The following ZDHHC21 variants were observed in gnomAD, a reference collection of about 807,000 sequenced individuals.
ZDHHC21 encodes the protein palmitoyltransferase ZDHHC21.
ZDHHC21 carries 15 observed loss-of-function variants against 34.6 expected under a neutral mutation model. That is an observed-to-expected ratio of 0.43 (90% CI 0.29 to 0.67). The LOEUF is 0.67. Ranked by LOEUF, ZDHHC21 falls within the 30% of genes least tolerant of loss-of-function variation. ZDHHC21 has a pLI of 0.14. For synonymous variants in ZDHHC21, 142 were observed against 101.8 expected (o/e 1.40, Z -2.38); for missense variants, 344 against 327.7 (o/e 1.05, Z -0.38).
At chr9:14,649,769 G>A (rs183802241) in intron 7 of ZDHHC21, among the ~76,000 whole-genome samples, 14 of 152,082 alleles carry the variant, frequency 9.2e-5, no homozygotes, top group Admixed American at 2.6e-4. Flanking sequence ...CATGGCTGAG[G>A]GTGAAGTATT....
Position 14,611,805 on chromosome 9 carries a change from G to A in ZDHHC21, c.*7161C>T, listed in dbSNP as rs1447757518. ...AGCCTAGCTTTGTCCTCCCGTGTTA[G>A]ACTCACAATTCACTTGTCGGAATAT... On this transcript the variant is annotated 3_prime_UTR_variant, in exon 10 of 10. Coordinates refer to ENST00000380916, the MANE Select transcript of ZDHHC21 (RefSeq NM_178566.6). 1 of 152,034 alleles carries A rather than the reference G, an allele frequency of 6.6e-6. No homozygotes were observed. Among genetic ancestry groups the A allele is most frequent in the African/African-American group, 2.4e-5 (1 of 41,416 alleles). The allele number at this position is 152,034 out of a possible 1,614,324, so 9.4% of individuals were successfully genotyped here. A position where few individuals can be genotyped will look rare whatever the true frequency, so the allele number is the denominator to read the frequency against.
the ZDHHC21 span, among the ~76,000 whole-genome samples, chr9:14,601,669 T>C: frequency 2.0e-5 from 3 of 152,204 alleles, no homozygotes; most frequent in Non-Finnish European, 4.4e-5. Flanking sequence ...GGATTATAAA[T>C]CATTCTACTA....
rs1261572568 is a variant in ZDHHC21 at position 14,693,267 on chromosome 9, C to G, written c.-263G>C. The stretch of plus-strand genomic sequence containing the variant: ...TCGCCTCTCGCTGCCGCCGCTCTCC[C>G]GACCGCCAGCAGCTCTTTCCCCTCC... On this transcript the variant is annotated 5_prime_UTR_variant, in exon 1 of 10. Coordinates refer to ENST00000380916, the MANE Select transcript of ZDHHC21 (RefSeq NM_178566.6). 2 of 417,008 alleles carry G rather than the reference C, an allele frequency of 4.8e-6. No homozygotes were observed. Among genetic ancestry groups the G allele is most frequent in the Non-Finnish European group, 9.5e-6 (2 of 211,576 alleles). 25.8% of individuals were successfully genotyped at this position (417,008 alleles called of 1,614,324 possible). A position where few individuals can be genotyped will look rare whatever the true frequency, so the allele number is the denominator to read the frequency against.
At chr9:14,678,970 G>A (rs576771361) in intron 3 of ZDHHC21, among the ~76,000 whole-genome samples, 3 of 152,140 alleles carry the variant, frequency 2.0e-5, no homozygotes, top group Non-Finnish European at 2.9e-5. Context: ...ACCGTAACCG[G>A]TTTTTCTGGA....
At chr9:14,657,681 C>G (rs1411216633) in intron 7 of ZDHHC21, among the ~76,000 whole-genome samples, 1 of 152,106 alleles carries the variant, frequency 6.6e-6, no homozygotes, top group Non-Finnish European at 1.5e-5. Flanking sequence ...AGGCAGAGGG[C>G]TGAATTTAAA....
chr9:14,691,707 T>G (rs977418314), intron 1 of ZDHHC21, among the ~76,000 whole-genome samples: 15 of 152,320 alleles, frequency 9.8e-5, no homozygotes, highest in African/African-American at 3.6e-4. Flanking sequence ...AACAGAAATC[T>G]CAGTAGTGTC....
chr9:14,594,230 A>G, the ZDHHC21 span: 1 of 152,218 alleles, frequency 6.6e-6, no homozygotes, highest in African/African-American at 2.4e-5. Flanking sequence ...AATAATCCTA[A>G]AATTCATATG....
chr9:14,674,546 T>A (rs904903507), intron 3 of ZDHHC21, among the ~76,000 whole-genome samples, 161 bp from the exon 4 acceptor site: 1 of 152,048 alleles, frequency 6.6e-6, no homozygotes, highest in South Asian at 2.1e-4. Flanking sequence ...GTATATATAT[T>A]TTTACAATAA....
chr9:14,692,115 T>C (rs138519770), intron 1 of ZDHHC21, among the ~76,000 whole-genome samples: 13 of 152,338 alleles, frequency 8.5e-5, no homozygotes, highest in African/African-American at 3.1e-4. Context: ...TCTTTTTGCT[T>C]TTAAGAGATG....
the ZDHHC21 span, chr9:14,593,974 G>T: frequency 2.0e-5 from 3 of 152,230 alleles, no homozygotes; most frequent in Non-Finnish European, 2.9e-5. Flanking sequence ...GGGAAACAGG[G>T]CCTAGTTTCT....
chr9:14,678,928 G>C (rs920453717), intron 3 of ZDHHC21, among the ~76,000 whole-genome samples: 1 of 151,984 alleles, frequency 6.6e-6, no homozygotes, highest in African/African-American at 2.4e-5. Flanking sequence ...AAGTGATATA[G>C]GCAAAATCCA....
At chr9:14,676,757 A>C (rs1377337324) in intron 3 of ZDHHC21, among the ~76,000 whole-genome samples, 1 of 151,952 alleles carries the variant, frequency 6.6e-6, no homozygotes, top group Non-Finnish European at 1.5e-5. Flanking sequence ...AAGGAATCTC[A>C]AATACAAATG....
chr9:14,662,914 TG>T (rs1833666735), intron 5 of ZDHHC21, among the ~76,000 whole-genome samples: 1 of 152,174 alleles, frequency 6.6e-6, no homozygotes, highest in Non-Finnish European at 1.5e-5. Flanking sequence ...CATATGGGTT[TG>T]GGAGGTATCA....
At chr9:14,634,691 G>GA (rs1827961567) in intron 8 of ZDHHC21, among the ~76,000 whole-genome samples, 1 of 152,110 alleles carries the variant, frequency 6.6e-6, no homozygotes, top group Non-Finnish European at 1.5e-5. Context: ...ACATGTCCAG[G>GA]AAAAAGTCCT....
chr9:14,680,007 C>G (rs2131594118), intron 3 of ZDHHC21, 26 bp downstream of exon 3: 1 of 152,564 alleles, frequency 6.6e-6, no homozygotes, highest in Admixed American at 6.5e-5. Flanking sequence ...AAATATATCA[C>G]CATGTAAAAT....
Position 14,613,971 on chromosome 9 carries a change from T to C in ZDHHC21, c.*4995A>G, listed in dbSNP as rs56815177. On this transcript the variant is annotated 3_prime_UTR_variant, in exon 10 of 10. Transcript: ENST00000380916. ...TATTTATAAAAGGCATCTGACCAAC[T>C]GAAGAGAAACCGCAATATAAATTCT... 1 of 151,910 alleles carries C rather than the reference T, an allele frequency of 6.6e-6. No individual in the cohort carries two copies. The highest frequency in any genetic ancestry group is 2.4e-5 in the African/African-American group (1 of 41,540). 9.4% of individuals were successfully genotyped at this position (151,910 alleles called of 1,614,324 possible).
intron 8 of ZDHHC21, among the ~76,000 whole-genome samples, chr9:14,637,804 C>CT (rs1342351922): frequency 6.6e-6 from 1 of 151,820 alleles, no homozygotes; most frequent in Non-Finnish European, 1.5e-5. Context: ...CAACAACACT[C>CT]TAAGAATAAA....
At chr9:14,673,931 T>G (rs1253463214) in intron 4 of ZDHHC21, among the ~76,000 whole-genome samples, 1 of 152,060 alleles carries the variant, frequency 6.6e-6, no homozygotes, top group Non-Finnish European at 1.5e-5. Context: ...ATCACTACTG[T>G]GTCAGTTTTC....
At chr9:14,605,347 C>A in the ZDHHC21 span, among the ~76,000 whole-genome samples, 1 of 152,094 alleles carries the variant, frequency 6.6e-6, no homozygotes, top group East Asian at 1.9e-4. Flanking sequence ...TCCAATTTCC[C>A]CACATCCTCA....
Sources: gnomAD v4.1 joint callset for allele counts (sites outside exome capture counted in the v4.1 genomes callset) on GRCh38, gnomAD v4.1.1 for gene constraint, MANE v1.5 for transcripts, NCBI Gene and HGNC (gene_info 2026-07-23, HGNC 2026-07-21) for gene names.